ZSWIM8: variants seen among roughly 807,000 people sequenced by gnomAD.
ZSWIM8 encodes the protein zinc finger SWIM domain-containing protein 8.
A neutral mutation model predicts 173.7 loss-of-function variants in ZSWIM8; 27 were observed. The ratio of observed to expected loss-of-function variants is 0.16; its 90% CI spans 0.11 to 0.21. The LOEUF is 0.21. Ranked by LOEUF, ZSWIM8 falls within the 10% of genes least tolerant of loss-of-function variation. The pLI is 1.00. For synonymous variants in ZSWIM8, 958 were observed against 962.0 expected (o/e 1.00, Z 0.08); for missense variants, 1,627 against 2,428.8 (o/e 0.67, Z 6.94).
At position 73,791,918 on chromosome 10, in the gene ZSWIM8, A is replaced by G. The variant is rs750843904; in HGVS notation, c.1379A>G (p.Lys460Arg). 9.0e-6 allele frequency: 14 copies of G among 1,551,814 alleles called. No individual in the cohort carries two copies. The highest frequency in any genetic ancestry group is 1.2e-5 in the South Asian group (1 of 84,014). The change falls in exon 10 of 26, where the codon AAG becomes AGG. Residue 460 changes from lysine to arginine, a missense_variant. Lys to Arg is a conservative substitution (Grantham distance 26, BLOSUM62 2). Around this residue, in one of 18 missense-constraint regions of ZSWIM8, gnomAD observed 103 missense variants for 155.6 expected, o/e 0.66. Transcript: ENST00000604729. The surrounding 1 kb of genome is among the most constrained non-coding windows in gnomAD (Gnocchi z 6.0). ...QWQLKVIENV[K>R]RGQHKKTLER... The stretch of plus-strand genomic sequence containing the variant: ...CAACTGAAGGTGATTGAGAACGTCA[A>G]GCGGGGCCAACACAAGAAGACGCTG...
In ZSWIM8 at chr10:73,788,687, T is replaced by C. The variant is rs748217020; in HGVS notation, c.226T>C (p.Leu76=). Reference sequence around the variant, plus strand: ...TTGCAAAGATGGACTGGTGATCCCATTGGTGGAGCTGTCAGCAAAGCAGGT... The same window carrying C: ...TTGCAAAGATGGACTGGTGATCCCACTGGTGGAGCTGTCAGCAAAGCAGGT... ...TRMRDGLVIP[L]VELSAKQVAF... The change falls in exon 2 of 26, where the codon TTG becomes CTG. Residue 76 remains leucine (L), a synonymous_variant. Transcript: ENST00000604729. The C allele has an allele frequency of 2.5e-6, 4 of 1,613,890 alleles. No homozygotes were observed. Among genetic ancestry groups the C allele is most frequent in the East Asian group, 4.5e-5 (2 of 44,902 alleles).
chr10:73,801,596 T>G lies in ZSWIM8; in HGVS notation c.*77T>G, dbSNP rs1036404508. ...GCCCCTCACACAGGGGGAGTGAAAC[T>G]TGGCTGGACAGATCATCCTCACTCA... On this transcript the variant is annotated 3_prime_UTR_variant, in exon 26 of 26. Coordinates refer to ENST00000604729, the MANE Select transcript of ZSWIM8 (RefSeq NM_001367799.1). The surrounding 1 kb of genome is among the most constrained non-coding windows in gnomAD (Gnocchi z 4.9). The G allele has an allele frequency of 1.9e-6, 3 of 1,562,262 alleles. No individual in the cohort carries two copies. Among genetic ancestry groups the G allele is most frequent in the Non-Finnish European group, 2.6e-6 (3 of 1,158,194 alleles).
chr10:73,799,108 T>G lies in ZSWIM8; in HGVS notation c.4283T>G (p.Leu1428Arg). ...GAGGTTGCTCACCAGTGGTTCTGGC[T>G]GTATGAGCAAACTGCAGGTGGCTCA... is the stretch of plus-strand genomic sequence containing the variant. Reference protein sequence around the residue: ...LFEVAHQWFWLYEQTAGGSST... With the variant: ...LFEVAHQWFWRYEQTAGGSST... Residue 1428 changes from leucine to arginine, a missense_variant, in exon 21 of 26, where the codon CTG (leucine) becomes CGG (arginine). Leu to Arg is a moderately radical substitution (Grantham distance 102). Around this residue, in one of 18 missense-constraint regions of ZSWIM8, gnomAD observed 95 missense variants for 271.3 expected, o/e 0.35. Coordinates refer to ENST00000604729, the MANE Select transcript of ZSWIM8 (RefSeq NM_001367799.1). 3 of 1,613,814 alleles carry G rather than the reference T, an allele frequency of 1.9e-6. No individual in the cohort carries two copies. Among genetic ancestry groups the G allele is most frequent in the Non-Finnish European group, 2.5e-6 (3 of 1,179,812 alleles).
chr10:73,790,726 G>A (rs1184937323), intron 7 of ZSWIM8, among the ~76,000 whole-genome samples: 1 of 152,072 alleles, frequency 6.6e-6, no homozygotes, highest in African/African-American at 2.4e-5. Flanking sequence ...GCGGGCGCCT[G>A]TAATCTCAGC....
At chr10:73,798,165 A>G (rs1299966011) in intron 19 of ZSWIM8, 65 bp from the exon 20 acceptor site, 4 of 1,596,878 alleles carry the variant, frequency 2.5e-6, no homozygotes, top group East Asian at 2.2e-5. Flanking sequence ...ATAAAAAGAC[A>G]TTATTCTCAC....
Position 73,797,282 on chromosome 10 carries a change from C to T in ZSWIM8, c.3433+11C>T. ...AGAAGAAGCACACAGGTAGGATAGC[C>T]TGTGGGCTAGCATAGAGGGAAGGAT... On this transcript the variant is annotated intron_variant, in intron 17 of 25. Transcript: ENST00000604729. The surrounding 1 kb of genome is among the most constrained non-coding windows in gnomAD (Gnocchi z 5.6). 6.2e-7 allele frequency: 1 copy of T among 1,613,910 alleles called. No individual in the cohort carries two copies. The highest frequency in any genetic ancestry group is 2.2e-5 in the East Asian group (1 of 44,888).
chr10:73,789,201 C>T lies in ZSWIM8; in HGVS notation c.457+11C>T. On this transcript the variant is annotated intron_variant, in intron 3 of 25. Transcript: ENST00000604729. This position sits in a 1 kb window ranked among gnomAD's most constrained non-coding sequence, Gnocchi z 6.8. ...ACCCATTGCAGATAGGTGAGTGGGC[C>T]ATCATGCCATGTGGCACATCCTGCT... 29 of 1,613,794 alleles carry T rather than the reference C, an allele frequency of 1.8e-5. No individual in the cohort carries two copies. Among genetic ancestry groups the T allele is most frequent in the Non-Finnish European group, 2.5e-5 (29 of 1,179,664 alleles).
chr10:73,801,680 C>A lies in ZSWIM8; in HGVS notation c.*161C>A. The A allele has an allele frequency of 6.5e-7, 1 of 1,534,580 alleles. No homozygotes were observed. The highest frequency in any genetic ancestry group is 8.7e-7 in the Non-Finnish European group (1 of 1,146,394). On this transcript the variant is annotated 3_prime_UTR_variant, in exon 26 of 26. Coordinates refer to ENST00000604729, the MANE Select transcript of ZSWIM8 (RefSeq NM_001367799.1). This position sits in a 1 kb window ranked among gnomAD's most constrained non-coding sequence, Gnocchi z 4.9. ...GGGCTATAGCTTGGGGCCAAGATGT[C>A]TCACACCCTAGAAGCCTAGGGCTGG... is the stretch of plus-strand genomic sequence containing the variant.
Position 73,801,624 on chromosome 10 carries a change from TC to T in ZSWIM8, c.*108del. The T allele has an allele frequency of 6.5e-7, 1 of 1,540,804 alleles. No homozygotes were observed. The highest frequency in any genetic ancestry group is 8.7e-7 in the Non-Finnish European group (1 of 1,148,662). On this transcript the variant is annotated 3_prime_UTR_variant, in exon 26 of 26. Transcript: ENST00000604729. This position sits in a 1 kb window ranked among gnomAD's most constrained non-coding sequence, Gnocchi z 4.9. Reference sequence around the variant, plus strand: ...GCTGGACAGATCATCCTCACTCAGTTCCCTGGTAGCACAGACTGACAGCTGC... The same window carrying T: ...GCTGGACAGATCATCCTCACTCAGTTCCTGGTAGCACAGACTGACAGCTGC...
chr10:73,798,057 T>C lies in ZSWIM8; in HGVS notation c.3939T>C (p.Val1313=). 1 of 1,613,480 alleles carries C rather than the reference T, an allele frequency of 6.2e-7. No homozygotes were observed. The highest frequency in any genetic ancestry group is 2.2e-5 in the East Asian group (1 of 44,874). Residue 1313 remains valine, a synonymous_variant, in exon 19 of 26, where the codon GTT becomes GTC. Coordinates refer to ENST00000604729, the MANE Select transcript of ZSWIM8 (RefSeq NM_001367799.1). ...NWLSRTYSSH[V]SWITGQAMEI... ...TCTCACGTACTTATTCTTCCCACGT[T>C]TCCTGGATTACAGGTAAATCATTTG...
Position 73,792,433 on chromosome 10 carries a change from G to A in ZSWIM8, c.1894G>A (p.Ala632Thr), listed in dbSNP as rs762340740. 1.6e-5 allele frequency: 26 copies of A among 1,603,800 alleles called. No homozygotes were observed. The highest frequency in any genetic ancestry group is 4.0e-5 in the African/African-American group (3 of 74,642). The change falls in exon 10 of 26, where the codon GCA becomes ACA. Residue 632 changes from alanine to threonine, a missense_variant. Ala to Thr is a moderately conservative substitution (Grantham distance 58). Around this residue, in one of 18 missense-constraint regions of ZSWIM8, gnomAD observed 383 missense variants for 394.8 expected, o/e 0.97. Coordinates refer to ENST00000604729, the MANE Select transcript of ZSWIM8 (RefSeq NM_001367799.1). The surrounding 1 kb of genome is among the most constrained non-coding windows in gnomAD (Gnocchi z 4.3). ...GGATGACAGCAGCCTGGCCCTGGGCGCAGAGGCCAGCACCTTCGGGGGATT... is the reference window on the plus strand; with the variant it reads ...GGATGACAGCAGCCTGGCCCTGGGCACAGAGGCCAGCACCTTCGGGGGATT... The part of the protein sequence containing the change: ...SLDDSSLALG[A>T]EASTFGGFPE...
At chr10:73,795,380 T>C (rs1179445461) in intron 14 of ZSWIM8, among the ~76,000 whole-genome samples, 159 bp from the exon 15 acceptor site, 1 of 152,140 alleles carries the variant, frequency 6.6e-6, no homozygotes, top group East Asian at 1.9e-4. Context: ...GAGCTTAGGC[T>C]GGATATAATA....
At position 73,797,692 on chromosome 10, in the gene ZSWIM8, ATCC is replaced by A; in HGVS notation, c.3663-86_3663-84del. 6.4e-7 allele frequency: 1 copy of A among 1,566,362 alleles called. No individual in the cohort carries two copies. The highest frequency in any genetic ancestry group is 1.2e-5 in the South Asian group (1 of 85,286). On this transcript the variant is annotated intron_variant, in intron 18 of 25. Transcript: ENST00000604729. The surrounding 1 kb of genome is among the most constrained non-coding windows in gnomAD (Gnocchi z 5.6). ...TGCAATCCAACCATTGTCTCCCAGC[ATCC>A]TCACTTTCCCTGGTCCTTCCCAACC...
At position 73,800,231 on chromosome 10, in the gene ZSWIM8, G is replaced by A. The variant is rs1565089006; in HGVS notation, c.4825+61G>A. 1 of 1,611,382 alleles carries A rather than the reference G, an allele frequency of 6.2e-7. No homozygotes were observed. The highest frequency in any genetic ancestry group is 8.5e-7 in the Non-Finnish European group (1 of 1,178,082). ...GGAGGCACACTGGGCAGGGGAGGTGGGGAGGGAATGTTCTTTGTCTCTCTT... is the reference window on the plus strand; with the variant it reads ...GGAGGCACACTGGGCAGGGGAGGTGAGGAGGGAATGTTCTTTGTCTCTCTT... On this transcript the variant is annotated intron_variant, in intron 22 of 25. Coordinates refer to ENST00000604729, the MANE Select transcript of ZSWIM8 (RefSeq NM_001367799.1). The surrounding 1 kb of genome is among the most constrained non-coding windows in gnomAD (Gnocchi z 4.1).
chr10:73,800,167 G>T lies in ZSWIM8; in HGVS notation c.4822G>T (p.Ala1608Ser). Residue 1608 changes from alanine (A) to serine (S), a missense_variant, in exon 22 of 26, where the codon GCC becomes TCC. Ala to Ser is a moderately conservative substitution (Grantham distance 99, BLOSUM62 1). Coordinates refer to ENST00000604729, the MANE Select transcript of ZSWIM8 (RefSeq NM_001367799.1). The surrounding 1 kb of genome is among the most constrained non-coding windows in gnomAD (Gnocchi z 4.1). ...AGGGCTTCCACTGCCCACCAGTGTG[G>T]CCTGTGAGTTGTGGGGCCAGGGAAC... is the stretch of plus-strand genomic sequence containing the variant. ...EPGLPLPTSV[A>S]LSSVHPASTF... 1 of 1,613,562 alleles carries T rather than the reference G, an allele frequency of 6.2e-7. No individual in the cohort carries two copies.
At chr10:73,790,547 A>AT (rs1261928745) in intron 7 of ZSWIM8, among the ~76,000 whole-genome samples, 1 of 152,092 alleles carries the variant, frequency 6.6e-6, no homozygotes, top group Non-Finnish European at 1.5e-5. Context: ...ACAGAGAAAG[A>AT]TTTTTTAAAG....
chr10:73,788,975 A>ACCCC, intron 2 of ZSWIM8, 121 bp from the exon 3 acceptor site: 1 of 355,002 alleles, frequency 2.8e-6, no homozygotes, highest in Non-Finnish European at 4.3e-6. Context: ...CCTCCCCCCC[A>ACCCC]CCCCCCGCCC....
chr10:73,796,383 G>T (rs745339837), intron 15 of ZSWIM8: 3 of 422,506 alleles, frequency 7.1e-6, no homozygotes, highest in Non-Finnish European at 4.6e-6. Flanking sequence ...AAAAAGAAAA[G>T]TGCTCTTCTG....
chr10:73,795,428 A>G, intron 14 of ZSWIM8, 111 bp from the exon 15 acceptor site: 2 of 1,524,980 alleles, frequency 1.3e-6, no homozygotes, highest in South Asian at 2.5e-5. Flanking sequence ...GGGTTGGACC[A>G]AGGGAACCCC....
Sources: gnomAD v4.1 joint callset for allele counts (sites outside exome capture counted in the v4.1 genomes callset) on GRCh38, gnomAD v4.1.1 for gene constraint, gnomAD v4.1.1 regional missense constraint, Gnocchi (gnomAD v3.1) non-coding constraint, MANE v1.5 for transcripts, NCBI Gene and HGNC (gene_info 2026-07-23, HGNC 2026-07-21) for gene names.